Variants in SSPN observed in about 807,000 individuals in gnomAD.
SSPN encodes the protein K-ras oncogene-associated protein.
Under a neutral mutation model 19.1 loss-of-function variants are expected in SSPN, and 15 were observed. That is an observed-to-expected ratio of 0.78 (90% CI 0.52 to 1.21). The LOEUF is 1.21. Among genes scored for constraint, SSPN ranks in the 50% most tolerant of loss-of-function variants. SSPN has a pLI of 0.00. For missense variants in SSPN, 291 were observed against 314.0 expected, an observed-to-expected ratio of 0.93 and a Z score of 0.55; for synonymous variants, 147 against 140.3, an observed-to-expected ratio of 1.05 and a Z score of -0.34.
chr12:26,148,596 A>G (rs977811016), intron 1 of SSPN, among the ~76,000 whole-genome samples: 3 of 152,266 alleles, frequency 2.0e-5, no homozygotes, highest in Admixed American at 1.3e-4. Flanking sequence ...CTTGCATTCT[A>G]TAATATTTTA....
chr12:26,168,214 GAA>G (rs60365188), intron 1 of SSPN, among the ~76,000 whole-genome samples: 1,188 of 117,498 alleles, frequency 0.01, 6 homozygotes, highest in African/African-American at 0.027. Context: ...CCCTGTCTCA[GAA>G]AAAAAAAAAA....
intron 1 of SSPN, among the ~76,000 whole-genome samples, chr12:26,221,554 T>C (rs1251654222): frequency 6.6e-6 from 1 of 152,188 alleles, no homozygotes; most frequent in Non-Finnish European, 1.5e-5. Context: ...TGTGTTCCTA[T>C]GCAACTTCTT....
At chr12:26,173,342 C>G (rs999611750) in intron 1 of SSPN, among the ~76,000 whole-genome samples, 4 of 152,176 alleles carry the variant, frequency 2.6e-5, no homozygotes, top group African/African-American at 9.7e-5. Context: ...CTAAATAGAT[C>G]TCTAATGAAG....
At chr12:26,201,048 AT>A (rs1944879962) in intron 1 of SSPN, among the ~76,000 whole-genome samples, 8 of 68,330 alleles carry the variant, frequency 1.2e-4, no homozygotes, top group African/African-American at 5.1e-4. Flanking sequence ...TATATATATT[AT>A]ATATATATAT....
At chr12:26,133,245 T>C (rs1456557369) in intron 1 of SSPN, among the ~76,000 whole-genome samples, 1 of 152,186 alleles carries the variant, frequency 6.6e-6, no homozygotes. Context: ...ATGGCAAATT[T>C]AGCAAGACAG....
chr12:26,229,483 G>A (rs1945208984), intron 2 of SSPN, among the ~76,000 whole-genome samples: 1 of 152,218 alleles, frequency 6.6e-6, no homozygotes, highest in East Asian at 1.9e-4. Flanking sequence ...TCACTGTGTG[G>A]AACACACTCA....
chr12:26,124,502 C>T (rs148798085), intron 1 of SSPN: 2 of 1,611,674 alleles, frequency 1.2e-6, no homozygotes, highest in East Asian at 2.2e-5. Flanking sequence ...TGAGGAATAT[C>T]GGGAACTTAC....
At chr12:26,207,430 T>C (rs1944940649) in intron 1 of SSPN, among the ~76,000 whole-genome samples, 1 of 152,218 alleles carries the variant, frequency 6.6e-6, no homozygotes, top group African/African-American at 2.4e-5. Flanking sequence ...TACATTGTAT[T>C]GAAGTCTCCC....
At chr12:26,215,471 G>T (rs1050897620) in intron 1 of SSPN, among the ~76,000 whole-genome samples, 3 of 152,168 alleles carry the variant, frequency 2.0e-5, no homozygotes, top group African/African-American at 7.2e-5. Flanking sequence ...GAAGCATGCT[G>T]GAGCATTGCT....
chr12:26,184,441 T>C (rs980151196), intron 1 of SSPN, among the ~76,000 whole-genome samples: 4 of 152,112 alleles, frequency 2.6e-5, no homozygotes, highest in Non-Finnish European at 5.9e-5. Flanking sequence ...TTTATAGAAG[T>C]TCAAGAAAGA....
chr12:26,137,839 T>TG (rs1944437588), intron 1 of SSPN, among the ~76,000 whole-genome samples: 1 of 151,156 alleles, frequency 6.6e-6, no homozygotes, highest in Admixed American at 6.6e-5. Context: ...CTAATTTTTT[T>TG]GTATTTTAGT....
chr12:26,135,763 A>G (rs1386464187), intron 1 of SSPN, among the ~76,000 whole-genome samples: 3 of 152,216 alleles, frequency 2.0e-5, no homozygotes, highest in Non-Finnish European at 4.4e-5. Flanking sequence ...CGGTGACCAC[A>G]AGCCATCAGC....
intron 1 of SSPN, among the ~76,000 whole-genome samples, chr12:26,167,374 A>G (rs1013164142): frequency 3.3e-5 from 5 of 152,232 alleles, no homozygotes; most frequent in Non-Finnish European, 7.3e-5. Context: ...AGCAGAGTGT[A>G]TAAAAGGACA....
intron 2 of SSPN, among the ~76,000 whole-genome samples, chr12:26,227,073 C>T (rs961803002): frequency 1.3e-5 from 2 of 152,154 alleles, no homozygotes; most frequent in African/African-American, 4.8e-5. Context: ...GGGCTTTTAT[C>T]AAGATATATT....
intron 1 of SSPN, among the ~76,000 whole-genome samples, chr12:26,131,536 G>A (rs1029666673): frequency 1.9e-4 from 29 of 152,284 alleles, no homozygotes; most frequent in African/African-American, 5.3e-4. Flanking sequence ...TTCACTTCTA[G>A]CCACACTTAT....
rs964846544 is a variant in SSPN at position 26,196,516 on chromosome 12, A to G, written c.279+565A>G. ...GCACAGCCTTAATCCACTGGAGTCT[A>G]AAGTGGGATAAACCCAGGGCGCTGG... On this transcript the variant is annotated intron_variant, in intron 1 of 2. Transcript: ENST00000242729. Among the ~76,000 whole-genome samples, 27 of 152,204 alleles carry G rather than the reference A, an allele frequency of 1.8e-4. 1 individual carries two copies. Among genetic ancestry groups the G allele is most frequent in the African/African-American group, 6.3e-4 (26 of 41,458 alleles).
At chr12:26,192,321 C>T (rs1409021540), upstream of SSPN, among the ~76,000 whole-genome samples, 3 of 152,106 alleles carry the variant, frequency 2.0e-5, no homozygotes, top group African/African-American at 7.2e-5. Flanking sequence ...ATATAAATAT[C>T]TGAAGAGGTT....
Position 26,233,266 on chromosome 12 carries a change from T to G in SSPN, c.*2190T>G, listed in dbSNP as rs1945253505. 4 of 151,852 alleles carry G rather than the reference T, an allele frequency of 2.6e-5. No homozygotes were observed. In the South Asian group the frequency reaches 8.3e-4, roughly 31 times the overall value. 9.4% of individuals were successfully genotyped at this position (151,852 alleles called of 1,614,324 possible). Reference sequence around the variant, plus strand: ...CATTTTAGCTTCTGTGCTTCCTTTTTCTAAATAATGCAACTTGTAAGAGTT... The same window carrying G: ...CATTTTAGCTTCTGTGCTTCCTTTTGCTAAATAATGCAACTTGTAAGAGTT... On this transcript the variant is annotated 3_prime_UTR_variant, in exon 3 of 3. Coordinates refer to ENST00000242729, the MANE Select transcript of SSPN (RefSeq NM_005086.5). The surrounding 1 kb of genome is among the most constrained non-coding windows in gnomAD (Gnocchi z 4.3).
At chr12:26,176,779 C>T (rs1944686607) in intron 1 of SSPN, among the ~76,000 whole-genome samples, 1 of 152,210 alleles carries the variant, frequency 6.6e-6, no homozygotes, top group Non-Finnish European at 1.5e-5. Context: ...TTTCTTTCTT[C>T]TCTCATTCCC....
Sources: gnomAD v4.1 joint callset for allele counts (sites outside exome capture counted in the v4.1 genomes callset) on GRCh38, gnomAD v4.1.1 for gene constraint, Gnocchi (gnomAD v3.1) non-coding constraint, MANE v1.5 for transcripts, NCBI Gene and HGNC (gene_info 2026-07-23, HGNC 2026-07-21) for gene names.